Variants in CDAN1 observed in about 807,000 individuals in gnomAD.
CDAN1 encodes the protein codanin 1, also known as codanin-1.
CDAN1 carries 107 observed loss-of-function variants against 139.8 expected under a neutral mutation model. The ratio of observed to expected loss-of-function variants is 0.77; its 90% CI spans 0.65 to 0.90. CDAN1 has a LOEUF of 0.90. CDAN1 is among the 40% of genes least tolerant of loss of function. The probability of loss-of-function intolerance (pLI) is 0.00; values close to 1 mark genes in which losing one functional copy is unlikely to be tolerated. For synonymous variants in CDAN1, 776 were observed against 660.6 expected, an observed-to-expected ratio of 1.17 and a Z score of -2.68; for missense variants, 1,667 against 1,575.7, an observed-to-expected ratio of 1.06 and a Z score of -0.98.
At chr15:42,728,965 A>AG (rs2061570496) in intron 19 of CDAN1, 58 bp downstream of exon 19, 3 of 1,592,702 alleles carry the variant, frequency 1.9e-6, no homozygotes, top group Non-Finnish European at 2.6e-6. Flanking sequence ...TTAGCAACTG[A>AG]GGAAAAAGGG....
rs1566980964 is a variant in CDAN1, at chr15:42,728,063, TA to T, written c.2869-31del. The T allele has an allele frequency of 3.1e-6, 5 of 1,609,994 alleles. No individual in the cohort carries two copies. The South Asian group carries it at 5.5e-5, about 18-fold the overall frequency. ...GAAACAGAACTACAGAGTCAGGGGC[TA>T]GGGGAGGGCTGGGTGCAACAAAGGA... On this transcript the variant is annotated intron_variant, in intron 21 of 27. Transcript: ENST00000356231.
chr15:42,730,490 GC>G (rs2061594964), intron 14 of CDAN1, 107 bp downstream of exon 14: 5 of 1,310,282 alleles, frequency 3.8e-6, no homozygotes, highest in Non-Finnish European at 5.4e-6. Flanking sequence ...TATGGCCAGG[GC>G]CCCACACGCA....
intron 8 of CDAN1, 87 bp from the exon 9 acceptor site, chr15:42,733,273 A>G (rs962996180): frequency 7.0e-6 from 7 of 1,007,060 alleles, no homozygotes; most frequent in Admixed American, 2.2e-5. Flanking sequence ...TAGCCCACCC[A>G]CCACCTTTTT....
intron 25 of CDAN1, among the ~76,000 whole-genome samples, 169 bp from the exon 26 acceptor site, chr15:42,725,839 C>T (rs1041609031): frequency 6.6e-6 from 1 of 151,888 alleles, no homozygotes. Context: ...CAAAATTAGC[C>T]AGGCGTGGTG....
rs1448702720 is a variant in CDAN1 at position 42,728,191 on chromosome 15, C to T, written c.2868+13G>A. On this transcript the variant is annotated intron_variant, in intron 21 of 27. Coordinates refer to ENST00000356231, the MANE Select transcript of CDAN1 (RefSeq NM_138477.4). ...TGCCTGGCCTGCTAGCTGCAGGCCT[C>T]CCTCACACGTACGGCTGCCGGGGTC... 1 of 1,613,122 alleles carries T rather than the reference C, an allele frequency of 6.2e-7. No homozygotes were observed. Among genetic ancestry groups the T allele is most frequent in the Admixed American group, 1.7e-5 (1 of 60,028 alleles).
At chr15:42,728,397 G>A (rs1188533007) in intron 20 of CDAN1, 130 bp from the exon 21 acceptor site, 19 of 596,060 alleles carry the variant, frequency 3.2e-5, no homozygotes, top group East Asian at 1.9e-4. Flanking sequence ...TTGCCCTCCC[G>A]CCCCACCCCA....
At chr15:42,736,934 G>T in intron 1 of CDAN1, 79 bp downstream of exon 1, 3 of 1,484,312 alleles carry the variant, frequency 2.0e-6, no homozygotes, top group Non-Finnish European at 9.0e-7. Flanking sequence ...AGGCGCCCTA[G>T]AGGAAGGGGA....
rs1189597818 is a variant in CDAN1, at chr15:42,724,080, A to ATGTT, written c.*407_*410dup. 6.9e-6 allele frequency: 2 copies of ATGTT among 288,254 alleles called. No individual in the cohort carries two copies. Among genetic ancestry groups the ATGTT allele is most frequent in the African/African-American group, 2.2e-5 (1 of 45,564 alleles). The allele number at this position is 288,254 out of a possible 1,614,324, so 17.9% of individuals were successfully genotyped here. A position where few individuals can be genotyped will look rare whatever the true frequency, so the allele number is the denominator to read the frequency against. ...AAGAAAATGTAGACTCCCAAGATTC[A>ATGTT]TGTTTTAACTTTCTTCATAAGTTAA... On this transcript the variant is annotated 3_prime_UTR_variant, in exon 28 of 28. Coordinates refer to ENST00000356231, the MANE Select transcript of CDAN1 (RefSeq NM_138477.4).
chr15:42,731,980 T>A (rs2061619237), intron 10 of CDAN1, among the ~76,000 whole-genome samples, 155 bp from the exon 11 acceptor site: 1 of 152,260 alleles, frequency 6.6e-6, no homozygotes, highest in African/African-American at 2.4e-5. Context: ...ACAGTATTGT[T>A]TCACAGGTGA....
At position 42,727,505 on chromosome 15, in the gene CDAN1, G is replaced by A. The variant is rs148967715; in HGVS notation, c.3096+116C>T. On this transcript the variant is annotated intron_variant, in intron 23 of 27. Transcript: ENST00000356231. ...TAATGAGTGAAACGGGGACTAGCTG[G>A]ACAGCACAGACAGCTTCTACATAAA... The A allele has an allele frequency of 6.2e-4, 592 of 961,044 alleles. 3 individuals are homozygous for A. In the African/African-American group the frequency reaches 8.4e-3, roughly 14 times the overall value. The allele number at this position is 961,044 out of a possible 1,614,324, so 59.5% of individuals were successfully genotyped here.
In CDAN1 at chr15:42,736,462, C is replaced by G. The variant is rs749773408; in HGVS notation, c.409G>C (p.Glu137Gln). 1 of 1,532,994 alleles carries G rather than the reference C, an allele frequency of 6.5e-7. No homozygotes were observed. The highest frequency in any genetic ancestry group is 8.7e-7 in the Non-Finnish European group (1 of 1,143,478). The allele number at this position is 1,532,994 out of a possible 1,614,324, so 95.0% of individuals were successfully genotyped here. A position where few individuals can be genotyped will look rare whatever the true frequency, so the allele number is the denominator to read the frequency against. Reference protein sequence around the residue: ...PARERGGRGLEEGVSGESLPG... With the variant: ...PARERGGRGLQEGVSGESLPG... ...AGGCTCTCCCCGCTGACCCCCTCCTCCAGGCCGCGGCCTCCACGCTCGCGG... is the reference window on the plus strand; with the variant it reads ...AGGCTCTCCCCGCTGACCCCCTCCTGCAGGCCGCGGCCTCCACGCTCGCGG... The change falls in exon 2 of 28, where the codon GAG (glutamate) becomes CAG (glutamine). Residue 137 changes from glutamate (E) to glutamine (Q), a missense_variant. Transcript: ENST00000356231.
intron 23 of CDAN1, chr15:42,727,318 C>T (rs1171259411): frequency 6.1e-6 from 2 of 326,228 alleles, no homozygotes; most frequent in East Asian, 1.0e-4. Flanking sequence ...GACTCATTTG[C>T]TATCAAGCCA....
Position 42,729,348 on chromosome 15 carries a change from G to A in CDAN1, c.2422C>T (p.Leu808=), listed in dbSNP as rs777782117. The A allele has an allele frequency of 2.5e-5, 41 of 1,614,186 alleles. No individual in the cohort carries two copies. The highest frequency in any genetic ancestry group is 3.4e-5 in the Non-Finnish European group (40 of 1,180,028). The change falls in exon 18 of 28, where the codon CTG becomes TTG. Residue 808 remains leucine, a synonymous_variant. Transcript: ENST00000356231. The part of the protein sequence containing the change: ...CCPYIGELRK[L]LASWVSGSSG... ...CTGCCTGACACCCACGAAGCGAGCA[G>A]TTTCCGGAGCTCTCCTGTATCAGTG...
At position 42,728,740 on chromosome 15, in the gene CDAN1, C is replaced by T; in HGVS notation, c.2716G>A (p.Glu906Lys). ...LLQEQLVTQG[E>K]EGGDPAQLLE... The stretch of plus-strand genomic sequence containing the variant: ...AGCTGGGCTGGGTCTCCCCCTTCCT[C>T]TCCCTGTGTCACCAGCTGCTCTTGG... The change falls in exon 20 of 28, where the codon GAG becomes AAG. Residue 906 changes from glutamate to lysine, a missense_variant. By Grantham distance (56) the Glu-to-Lys change is moderately conservative (BLOSUM62 1). Transcript: ENST00000356231. 1 of 1,614,228 alleles carries T rather than the reference C, an allele frequency of 6.2e-7. No individual in the cohort carries two copies. Among genetic ancestry groups the T allele is most frequent in the Non-Finnish European group, 8.5e-7 (1 of 1,180,052 alleles).
At chr15:42,726,050 A>AT (rs1330054797) in intron 25 of CDAN1, 47 bp downstream of exon 25, 1 of 1,490,230 alleles carries the variant, frequency 6.7e-7, no homozygotes, top group African/African-American at 1.4e-5. Flanking sequence ...CAACCCTGAG[A>AT]TTTGGGGGAT....
intron 12 of CDAN1, 27 bp from the exon 13 acceptor site, chr15:42,731,098 G>A: frequency 6.2e-7 from 1 of 1,614,196 alleles, no homozygotes; most frequent in East Asian, 2.2e-5. Flanking sequence ...GAAGTAAAAG[G>A]TCCAAGCATG....
chr15:42,732,876 G>A (rs1477995964), intron 9 of CDAN1, among the ~76,000 whole-genome samples: 1 of 152,178 alleles, frequency 6.6e-6, no homozygotes, highest in Non-Finnish European at 1.5e-5. Flanking sequence ...TGCCACTACA[G>A]AACAAGGATA....
chr15:42,735,846 C>G (rs370729097), intron 3 of CDAN1, 29 bp downstream of exon 3: 9 of 1,612,504 alleles, frequency 5.6e-6, no homozygotes, highest in Non-Finnish European at 7.6e-6. Flanking sequence ...GCGAGGAAAC[C>G]GATATCCCCA....
In CDAN1 at chr15:42,723,583, T is replaced by TA. The variant is rs2061486730; in HGVS notation, c.*907dup. The TA allele has an allele frequency of 6.6e-6, 1 of 152,186 alleles. No homozygotes were observed. The highest frequency in any genetic ancestry group is 1.5e-5 in the Non-Finnish European group (1 of 68,038). The allele number at this position is 152,186 out of a possible 1,614,324, so 9.4% of individuals were successfully genotyped here. A position where few individuals can be genotyped will look rare whatever the true frequency, so the allele number is the denominator to read the frequency against. ...CTTGTTAAAGAAAACCAGTTTATTCTAAAAAGCTCTAAATGCCCTGTGCTT... is the reference window on the plus strand; with the variant it reads ...CTTGTTAAAGAAAACCAGTTTATTCTAAAAAAGCTCTAAATGCCCTGTGCTT... On this transcript the variant is annotated 3_prime_UTR_variant, in exon 28 of 28. Coordinates refer to ENST00000356231, the MANE Select transcript of CDAN1 (RefSeq NM_138477.4).
Sources: gnomAD v4.1 joint callset for allele counts (sites outside exome capture counted in the v4.1 genomes callset) on GRCh38, gnomAD v4.1.1 for gene constraint, MANE v1.5 for transcripts, NCBI Gene and HGNC (gene_info 2026-07-23, HGNC 2026-07-21) for gene names.